Variants in PHF21A observed in about 807,000 individuals in gnomAD.
PHF21A encodes the protein BHC80a.
PHF21A carries 11 observed loss-of-function variants against 82.5 expected under a neutral mutation model. That is an observed-to-expected ratio of 0.13 (90% CI 0.08 to 0.22). The LOEUF (loss-of-function observed/expected upper bound fraction) is 0.22. Among genes scored for constraint, PHF21A ranks in the 10% least tolerant of loss-of-function variants. The probability of loss-of-function intolerance (pLI) is 1.00; values close to 1 mark genes in which losing one functional copy is unlikely to be tolerated. For synonymous variants in PHF21A, 297 were observed against 302.8 expected (o/e 0.98, Z 0.20); for missense variants, 579 against 837.8 (o/e 0.69, Z 3.81).
chr11:45,936,713 T>C, intron 16 of PHF21A, 144 bp from the exon 17 acceptor site: 2 of 632,048 alleles, frequency 3.2e-6, no homozygotes, highest in Non-Finnish European at 5.6e-6. Flanking sequence ...CCCTGGTCTA[T>C]AGTTTCTGGA....
At chr11:45,962,457 G>A (rs936949726) in intron 10 of PHF21A, among the ~76,000 whole-genome samples, 12 of 152,096 alleles carry the variant, frequency 7.9e-5, no homozygotes, top group South Asian at 2.1e-4. Flanking sequence ...TGAAAGATAC[G>A]AAGTAAGAGA....
intron 1 of PHF21A, among the ~76,000 whole-genome samples, chr11:46,112,770 C>T (rs1439309570): frequency 2.6e-5 from 4 of 152,074 alleles, no homozygotes; most frequent in Non-Finnish European, 4.4e-5. Context: ...AAAAAAGGAA[C>T]AGCATATATA....
chr11:45,994,804 G>C (rs2094845661), intron 6 of PHF21A, among the ~76,000 whole-genome samples: 1 of 152,190 alleles, frequency 6.6e-6, no homozygotes, highest in Non-Finnish European at 1.5e-5. Context: ...GGACGACTTT[G>C]CAATATTCAC....
At position 45,945,943 on chromosome 11, in the gene PHF21A, TG is replaced by T. The variant is rs1565190922; in HGVS notation, c.1348del (p.Gln450AsnfsTer53). 6.2e-7 allele frequency: 1 copy of T among 1,613,390 alleles called. No individual in the cohort carries two copies. The highest frequency in any genetic ancestry group is 8.5e-7 in the Non-Finnish European group (1 of 1,179,694). On this transcript the variant is annotated frameshift_variant, in exon 15 of 19. Coordinates refer to ENST00000676320, the MANE Select transcript of PHF21A (RefSeq NM_001352027.3). LOFTEE classifies it high-confidence loss of function. ...GFGALTPTSP[Q>X]SSHPDSPENE... ...TTCAGGGGAGTCAGGATGACTGGAT[TG>T]GGGGGATGTTGGGGTAAGGGCTCCA...
At chr11:46,067,669 C>T (rs1318567022) in intron 6 of PHF21A, among the ~76,000 whole-genome samples, 2 of 151,298 alleles carry the variant, frequency 1.3e-5, no homozygotes, top group African/African-American at 4.9e-5. Flanking sequence ...TTGGTAGGGA[C>T]ATCCTTGGCC....
chr11:46,068,526 A>G (rs759783379), intron 6 of PHF21A, among the ~76,000 whole-genome samples: 4 of 152,210 alleles, frequency 2.6e-5, no homozygotes, highest in Admixed American at 2.0e-4. Flanking sequence ...GTCCCTAAAC[A>G]TTCTGAAATA....
At chr11:46,118,063 A>G (rs1170113019) in intron 1 of PHF21A, 1 of 152,160 alleles carries the variant, frequency 6.6e-6, no homozygotes, top group Non-Finnish European at 1.5e-5. Flanking sequence ...GCATTTAGAG[A>G]TCTTCATGTA....
chr11:45,987,708 G>A (rs1175733690), intron 6 of PHF21A, among the ~76,000 whole-genome samples: 3 of 119,884 alleles, frequency 2.5e-5, no homozygotes, highest in Admixed American at 9.5e-5. Flanking sequence ...CATTGTGTTT[G>A]TACCACAATA....
intron 6 of PHF21A, among the ~76,000 whole-genome samples, chr11:46,035,681 A>C (rs988332968): frequency 2.0e-5 from 3 of 152,198 alleles, no homozygotes; most frequent in African/African-American, 7.2e-5. Flanking sequence ...GTAGTTTTAC[A>C]CTGAGACTTG....
At chr11:45,966,357 C>A (rs1376960108) in intron 9 of PHF21A, among the ~76,000 whole-genome samples, 2 of 152,194 alleles carry the variant, frequency 1.3e-5, no homozygotes, top group African/African-American at 4.8e-5. Context: ...CTTTTCTTGA[C>A]AAATTTTGGA....
chr11:46,044,667 A>T (rs1450149288), intron 6 of PHF21A, among the ~76,000 whole-genome samples: 3 of 152,094 alleles, frequency 2.0e-5, no homozygotes, highest in Admixed American at 6.6e-5. Context: ...AAACATTCTC[A>T]TTTCTAAGCA....
intron 6 of PHF21A, among the ~76,000 whole-genome samples, chr11:46,041,455 CA>C (rs1479803981): frequency 2.0e-5 from 3 of 152,110 alleles, no homozygotes; most frequent in African/African-American, 7.2e-5. Flanking sequence ...TCATCTGAGT[CA>C]AATGTATATT....
intron 6 of PHF21A, among the ~76,000 whole-genome samples, chr11:46,048,862 A>G (rs2096299030): frequency 6.6e-6 from 1 of 152,200 alleles, no homozygotes; most frequent in Admixed American, 6.5e-5. Flanking sequence ...ATAACTGCTC[A>G]GTCACATGGT....
intron 7 of PHF21A, among the ~76,000 whole-genome samples, chr11:45,972,990 A>C (rs1203344647): frequency 1.3e-5 from 2 of 152,188 alleles, no homozygotes; most frequent in Non-Finnish European, 2.9e-5. Context: ...AGGCAGGGGA[A>C]TCACTTGAAC....
At chr11:46,083,671 T>C (rs2096821937) in intron 4 of PHF21A, 1 of 152,332 alleles carries the variant, frequency 6.6e-6, no homozygotes, top group Non-Finnish European at 1.5e-5. Flanking sequence ...TATGTAATTA[T>C]ATAAAGATAG....
chr11:45,982,104 G>A (rs558611429), intron 6 of PHF21A, among the ~76,000 whole-genome samples: 41 of 151,890 alleles, frequency 2.7e-4, no homozygotes, highest in East Asian at 9.7e-4. Context: ...CTACAAGAGC[G>A]TGCTACCATG....
chr11:45,936,848 CAT>C, intron 16 of PHF21A: 1 of 342,322 alleles, frequency 2.9e-6, no homozygotes, highest in Non-Finnish European at 5.4e-6. Context: ...ACACACGCCA[CAT>C]GACACCCAAC....
At chr11:46,073,260 G>A (rs1033670743) in intron 6 of PHF21A, among the ~76,000 whole-genome samples, 5 of 151,600 alleles carry the variant, frequency 3.3e-5, no homozygotes, top group African/African-American at 7.3e-5. Flanking sequence ...CCCAGGAGGC[G>A]GAGCTTGCAG....
At chr11:46,101,046 A>G (rs1471293554) in intron 1 of PHF21A, among the ~76,000 whole-genome samples, 2 of 152,250 alleles carry the variant, frequency 1.3e-5, no homozygotes, top group African/African-American at 2.4e-5. Context: ...CTTTAAGCTG[A>G]CTTATATATT....
Sources: allele counts gnomAD v4.1 joint callset (sites outside exome capture counted in the v4.1 genomes callset), GRCh38; gene constraint gnomAD v4.1.1; transcripts MANE v1.5; gene names NCBI Gene and HGNC (gene_info 2026-07-23, HGNC 2026-07-21).